The following RNF170 variants were observed in gnomAD, a reference collection of about 807,000 sequenced individuals.
RNF170 encodes the protein E3 ubiquitin-protein ligase RNF170.
Under a neutral mutation model 32.7 loss-of-function variants are expected in RNF170, and 12 were observed. The observed-to-expected ratio is 0.37, with a 90% CI of 0.24 to 0.60. RNF170 has a LOEUF of 0.60. Ranked by LOEUF, RNF170 falls within the 20% of genes least tolerant of loss-of-function variation. The probability of loss-of-function intolerance (pLI) is 0.72; values close to 1 mark genes in which losing one functional copy is unlikely to be tolerated. For synonymous variants in RNF170, 91 were observed against 103.6 expected (o/e 0.88, Z 0.74); for missense variants, 212 against 311.2 (o/e 0.68, Z 2.40).
In RNF170 at chr8:42,894,921, T is replaced by C. The variant is rs557059598; in HGVS notation, c.-8+1563A>G. ...GGAAGAATGTTTGAAAAAAAGACCA[T>C]TGAGAATACTTCAGGTAAGTTTTTT... On this transcript the variant is annotated intron_variant, in intron 1 of 6. Coordinates refer to ENST00000527424, the MANE Select transcript of RNF170 (RefSeq NM_030954.4). Among the ~76,000 whole-genome samples, 8 of 152,090 alleles carry C rather than the reference T, an allele frequency of 5.3e-5. No individual in the cohort carries two copies. In the South Asian group the frequency reaches 6.2e-4, roughly 12 times the overall value.
intron 2 of RNF170, among the ~76,000 whole-genome samples, chr8:42,884,701 T>A (rs1372054024): frequency 6.6e-6 from 1 of 151,398 alleles, no homozygotes; most frequent in Non-Finnish European, 1.5e-5. Context: ...ATTAAATGAA[T>A]TCTTTTTTTT....
At chr8:42,874,773 C>T (rs1251677292) in intron 2 of RNF170, among the ~76,000 whole-genome samples, 1 of 151,656 alleles carries the variant, frequency 6.6e-6, no homozygotes, top group African/African-American at 2.4e-5. Context: ...AAAAGCCAAA[C>T]CTTAACATGT....
chr8:42,871,062 T>C (rs1804485410), intron 3 of RNF170, among the ~76,000 whole-genome samples: 1 of 151,558 alleles, frequency 6.6e-6, no homozygotes, highest in Admixed American at 6.6e-5. Context: ...ATACAAAAAT[T>C]AGCTGGGCAT....
intron 4 of RNF170, among the ~76,000 whole-genome samples, chr8:42,866,993 G>C (rs977937417): frequency 1.3e-5 from 2 of 152,114 alleles, no homozygotes; most frequent in African/African-American, 4.8e-5. Flanking sequence ...CTCCCTCCAC[G>C]AACCTCTGTG....
chr8:42,885,434 T>C (rs377613517), intron 2 of RNF170, among the ~76,000 whole-genome samples: 21 of 152,358 alleles, frequency 1.4e-4, no homozygotes, highest in South Asian at 6.2e-4. Flanking sequence ...TGAAGTGTGA[T>C]TGCTGGATCA....
At position 42,854,373 on chromosome 8, in the gene RNF170, T is replaced by C. The variant is rs1803084122; in HGVS notation, c.*1786A>G. On this transcript the variant is annotated 3_prime_UTR_variant, in exon 7 of 7. Coordinates refer to ENST00000527424, the MANE Select transcript of RNF170 (RefSeq NM_030954.4). ...CCACTTTGATCAGTTATTTGTTGTA[T>C]GACTTCATTCAAAAACACTTTCATC... is the stretch of plus-strand genomic sequence containing the variant. The C allele has an allele frequency of 7.8e-7, 1 of 1,287,146 alleles. No individual in the cohort carries two copies. Among genetic ancestry groups the C allele is most frequent in the Non-Finnish European group, 1.0e-6 (1 of 988,708 alleles). 79.7% of individuals were successfully genotyped at this position (1,287,146 alleles called of 1,614,324 possible).
At chr8:42,888,896 T>G (rs143595472) in intron 1 of RNF170, among the ~76,000 whole-genome samples, 2 of 152,116 alleles carry the variant, frequency 1.3e-5, no homozygotes, top group African/African-American at 2.4e-5. Flanking sequence ...CCTCACAGCA[T>G]GTGTATATCT....
upstream of RNF170, chr8:42,896,640 G>T (rs976175304): frequency 6.6e-6 from 3 of 452,816 alleles, no homozygotes; most frequent in African/African-American, 4.0e-5. Context: ...GAGCTTCCGC[G>T]AGGGCGCGAC....
At chr8:42,863,208 ACCTATTATAT>A (rs1803788577) in intron 5 of RNF170, among the ~76,000 whole-genome samples, 1 of 152,078 alleles carries the variant, frequency 6.6e-6, no homozygotes, top group Non-Finnish European at 1.5e-5. Flanking sequence ...GGGAACCAAG[ACCTATTATAT>A]TAAGACAACT....
rs181849814 is a variant in RNF170 at position 42,853,997 on chromosome 8, C to G, written c.*2162G>C. 22 of 1,286,912 alleles carry G rather than the reference C, an allele frequency of 1.7e-5. No homozygotes were observed. The highest frequency in any genetic ancestry group is 1.8e-5 in the Non-Finnish European group (18 of 988,552). 79.7% of individuals were successfully genotyped at this position (1,286,912 alleles called of 1,614,324 possible). On this transcript the variant is annotated 3_prime_UTR_variant, in exon 7 of 7. Coordinates refer to ENST00000527424, the MANE Select transcript of RNF170 (RefSeq NM_030954.4). ...CCTGTCAAAAAATGACATCACCATT[C>G]CCCCACACCAAATGTGTAATTGGTA...
At chr8:42,876,672 T>C (rs865849386) in intron 2 of RNF170, among the ~76,000 whole-genome samples, 1 of 149,900 alleles carries the variant, frequency 6.7e-6, no homozygotes, top group African/African-American at 2.5e-5. Context: ...TTTTTTTTTT[T>C]TTTTTGAGAC....
At position 42,853,409 on chromosome 8, in the gene RNF170, G is replaced by GT; in HGVS notation, c.*2749dup. 2 of 1,286,830 alleles carry GT rather than the reference G, an allele frequency of 1.6e-6. No homozygotes were observed. Among genetic ancestry groups the GT allele is most frequent in the Non-Finnish European group, 2.0e-6 (2 of 988,470 alleles). 79.7% of individuals were successfully genotyped at this position (1,286,830 alleles called of 1,614,324 possible). On this transcript the variant is annotated 3_prime_UTR_variant, in exon 7 of 7. Transcript: ENST00000527424. ...CTTCTACAACAACTCTGTGAGGTAG[G>GT]TATCTGCATAGCCACAAGGGATCCA...
At chr8:42,893,167 C>T (rs1258628995) in intron 1 of RNF170, among the ~76,000 whole-genome samples, 1 of 152,122 alleles carries the variant, frequency 6.6e-6, no homozygotes, top group Non-Finnish European at 1.5e-5. Flanking sequence ...CAGGGTCTTA[C>T]ATGTTGTAGT....
upstream of RNF170, chr8:42,897,176 C>T (rs1807007693): frequency 3.2e-6 from 4 of 1,248,718 alleles, no homozygotes; most frequent in South Asian, 4.0e-5. Flanking sequence ...TGTGCGAGAG[C>T]CTCCTCACTT....
chr8:42,856,343 A>G lies in RNF170; in HGVS notation c.593T>C (p.Phe198Ser). 1 of 1,592,672 alleles carries G rather than the reference A, an allele frequency of 6.3e-7. No individual in the cohort carries two copies. Among genetic ancestry groups the G allele is most frequent in the Non-Finnish European group, 8.5e-7 (1 of 1,174,682 alleles). ...TAAACAAAGTATTATCCTGATGCGAAACATCCAGAAAAGGCCCCCGACTGA... is the reference window on the plus strand; with the variant it reads ...TAAACAAAGTATTATCCTGATGCGAGACATCCAGAAAAGGCCCCCGACTGA... ...MFSVGGLFWM[F>S]RIRIILCLMG... is the part of the protein sequence containing the mutation. Residue 198 changes from phenylalanine (F) to serine (S), a missense_variant, in exon 7 of 7, where the codon TTT becomes TCT. Around this residue, in one of 2 missense-constraint regions of RNF170, gnomAD observed 97 missense variants for 178.9 expected, o/e 0.54. Transcript: ENST00000527424.
At chr8:42,871,012 C>T (rs746144776) in intron 3 of RNF170, among the ~76,000 whole-genome samples, 1 of 151,936 alleles carries the variant, frequency 6.6e-6, no homozygotes, top group African/African-American at 2.4e-5. Context: ...AGTTCGAGAC[C>T]AGCCTGGTCA....
intron 4 of RNF170, 44 bp downstream of exon 4, chr8:42,869,960 G>T: frequency 2.9e-6 from 4 of 1,363,606 alleles, no homozygotes; most frequent in Non-Finnish European, 4.2e-6. Flanking sequence ...TAGAGGTCTT[G>T]GTCTACACAG....
At chr8:42,868,086 T>G (rs931841404) in intron 4 of RNF170, among the ~76,000 whole-genome samples, 1 of 152,142 alleles carries the variant, frequency 6.6e-6, no homozygotes. Context: ...CAATAGAAAA[T>G]TAAAAGATAA....
Position 42,889,389 on chromosome 8 carries a change from G to A in RNF170, c.-7-1518C>T, listed in dbSNP as rs535898942. ...ATTCACATTTTTTTCAGACAAAACA[G>A]GAAGTGTCAAAGTCTTATAAGACAC... is the stretch of plus-strand genomic sequence containing the variant. On this transcript the variant is annotated intron_variant, in intron 1 of 6. Transcript: ENST00000527424. 5 of 151,878 alleles carry A rather than the reference G, an allele frequency of 3.3e-5. No homozygotes were observed. In the East Asian group the frequency reaches 9.6e-4, roughly 29 times the overall value. The allele number at this position is 151,878 out of a possible 1,614,324, so 9.4% of individuals were successfully genotyped here. A position where few individuals can be genotyped will look rare whatever the true frequency, so the allele number is the denominator to read the frequency against.
Sources: allele counts gnomAD v4.1 joint callset (sites outside exome capture counted in the v4.1 genomes callset), GRCh38; gene constraint gnomAD v4.1.1; regional missense constraint gnomAD v4.1.1; transcripts MANE v1.5; gene names NCBI Gene and HGNC (gene_info 2026-07-23, HGNC 2026-07-21).